Variants in BLCAP observed in about 807,000 individuals in gnomAD.
BLCAP encodes the protein apoptosis inducing factor BLCAP.
BLCAP carries 1 observed loss-of-function variant against 5.7 expected under a neutral mutation model. That is an observed-to-expected ratio of 0.18 (90% CI 0.06 to 0.83). BLCAP has a LOEUF of 0.83. Among genes scored for constraint, BLCAP ranks in the 40% least tolerant of loss-of-function variants. The pLI, the probability that BLCAP is intolerant of heterozygous loss-of-function variation, is 0.71. For synonymous variants in BLCAP, 48 were observed against 49.4 expected (o/e 0.97, Z 0.11); for missense variants, 66 against 107.6 (o/e 0.61, Z 1.71).
Position 37,521,247 on chromosome 20 carries a change from G to T in BLCAP, c.-176-1897C>A. 1 of 1,418,022 alleles carries T rather than the reference G, an allele frequency of 7.1e-7. No homozygotes were observed. The highest frequency in any genetic ancestry group is 1.0e-6 in the Non-Finnish European group (1 of 1,004,050). 87.8% of individuals were successfully genotyped at this position (1,418,022 alleles called of 1,614,324 possible). A position where few individuals can be genotyped will look rare whatever the true frequency, so the allele number is the denominator to read the frequency against. Reference sequence around the variant, plus strand: ...CTTAAGGCGCGGCCACCGCGGCTGCGGCAGTGCGCCCAACAGCGGACTCCG... The same window carrying T: ...CTTAAGGCGCGGCCACCGCGGCTGCTGCAGTGCGCCCAACAGCGGACTCCG... On this transcript the variant is annotated intron_variant, in intron 1 of 1. Coordinates refer to ENST00000373537, the MANE Select transcript of BLCAP (RefSeq NM_006698.4). The surrounding 1 kb of genome is among the most constrained non-coding windows in gnomAD (Gnocchi z 4.5).
chr20:37,521,274 G>C lies in BLCAP; in HGVS notation c.-176-1924C>G. The C allele has an allele frequency of 6.3e-7, 1 of 1,578,310 alleles. No individual in the cohort carries two copies. The highest frequency in any genetic ancestry group is 8.7e-7 in the Non-Finnish European group (1 of 1,147,874). On this transcript the variant is annotated intron_variant, in intron 1 of 1. Coordinates refer to ENST00000373537, the MANE Select transcript of BLCAP (RefSeq NM_006698.4). The surrounding 1 kb of genome is among the most constrained non-coding windows in gnomAD (Gnocchi z 4.5). ...CAGTGCGCCCAACAGCGGACTCCGA[G>C]ACCAGCGGATCTCGGCAAACCCTCT...
At chr20:37,522,559 C>A in intron 1 of BLCAP, 3 of 977,180 alleles carry the variant, frequency 3.1e-6, no homozygotes, top group Non-Finnish European at 1.4e-6. Flanking sequence ...CCAGCCTACG[C>A]TGGATGGGCG....
chr20:37,518,783 C>G lies in BLCAP; in HGVS notation c.*128G>C. On this transcript the variant is annotated 3_prime_UTR_variant, in exon 2 of 2. Coordinates refer to ENST00000373537, the MANE Select transcript of BLCAP (RefSeq NM_006698.4). ...CATTGTAAGGATAAAACATCACAGG[C>G]CAAAAAGGCGCCGTCAGGAATGTGA... 7.4e-7 allele frequency: 1 copy of G among 1,344,446 alleles called. No individual in the cohort carries two copies. 83.3% of individuals were successfully genotyped at this position (1,344,446 alleles called of 1,614,324 possible).
chr20:37,519,363 G>C lies in BLCAP; in HGVS notation c.-176-13C>G, dbSNP rs2071476805. On this transcript the variant is annotated splice_polypyrimidine_tract_variant and intron_variant, in intron 1 of 1. Coordinates refer to ENST00000373537, the MANE Select transcript of BLCAP (RefSeq NM_006698.4). ...GGCAGCAGGGATCCTGAAGAGAAAAGTCAACACAACAGACAAACAGACAAA... is the reference window on the plus strand; with the variant it reads ...GGCAGCAGGGATCCTGAAGAGAAAACTCAACACAACAGACAAACAGACAAA... The C allele has an allele frequency of 1.8e-5, 3 of 162,864 alleles. No individual in the cohort carries two copies. The South Asian group carries it at 2.1e-4, about 11-fold the overall frequency. The allele number at this position is 162,864 out of a possible 1,614,324, so 10.1% of individuals were successfully genotyped here.
chr20:37,526,096 A>T (rs1002875315), intron 1 of BLCAP, among the ~76,000 whole-genome samples: 3 of 152,100 alleles, frequency 2.0e-5, no homozygotes, highest in Non-Finnish European at 4.4e-5. Flanking sequence ...TCACTGAAGG[A>T]AGGGATGTCT....
At chr20:37,525,684 G>C (rs1354279495) in intron 1 of BLCAP, among the ~76,000 whole-genome samples, 1 of 152,364 alleles carries the variant, frequency 6.6e-6, no homozygotes, top group East Asian at 1.9e-4. Flanking sequence ...GCAATGCCTA[G>C]ATGGTCCAAA....
chr20:37,522,998 G>C (rs780139701), intron 1 of BLCAP: 6 of 471,220 alleles, frequency 1.3e-5, no homozygotes, highest in Non-Finnish European at 1.9e-5. Context: ...AGGGTCGAGA[G>C]AGGAGGGGGG....
chr20:37,526,271 T>TCCCCCCCCACCCCCCCCCCC (rs2071716922), intron 1 of BLCAP, among the ~76,000 whole-genome samples: 1 of 125,184 alleles, frequency 8.0e-6, no homozygotes, highest in Non-Finnish European at 1.7e-5. Context: ...GCAGTTAACT[T>TCCCCCCCCACCCCCCCCCCC]CCCCCCCCCA....
chr20:37,523,529 C>G (rs980299706), intron 1 of BLCAP: 1 of 152,656 alleles, frequency 6.6e-6, no homozygotes, highest in Admixed American at 6.5e-5. Flanking sequence ...TTGTGGTAAT[C>G]GCTAATTGTA....
chr20:37,527,311 G>A (rs2071740277), intron 1 of BLCAP, among the ~76,000 whole-genome samples: 1 of 152,050 alleles, frequency 6.6e-6, no homozygotes. Flanking sequence ...AGACACCGAA[G>A]CGGAGCCTCA....
rs2071423050 is a variant in BLCAP at position 37,517,473 on chromosome 20, A to G, written c.*1438T>C. On this transcript the variant is annotated 3_prime_UTR_variant, in exon 2 of 2. Transcript: ENST00000373537. ...AACAGCTGTGCAACGAACACACCAAATAAAAGCTCTAGAATAGCAGTCCAG... is the reference window on the plus strand; with the variant it reads ...AACAGCTGTGCAACGAACACACCAAGTAAAAGCTCTAGAATAGCAGTCCAG... 6.6e-6 allele frequency: 1 copy of G among 152,572 alleles called. No homozygotes were observed. The highest frequency in any genetic ancestry group is 1.5e-5 in the Non-Finnish European group (1 of 68,036). The allele number at this position is 152,572 out of a possible 1,614,324, so 9.5% of individuals were successfully genotyped here.
chr20:37,525,635 G>C (rs2071705983), intron 1 of BLCAP, among the ~76,000 whole-genome samples: 1 of 152,216 alleles, frequency 6.6e-6, no homozygotes, highest in Admixed American at 6.5e-5. Flanking sequence ...ACCCACCAGA[G>C]AAGACAGTGC....
At chr20:37,524,823 C>T (rs1316866311) in intron 1 of BLCAP, among the ~76,000 whole-genome samples, 2 of 152,140 alleles carry the variant, frequency 1.3e-5, no homozygotes, top group South Asian at 2.1e-4. Flanking sequence ...GTGCAGATCC[C>T]GGTTCTGGTC....
intron 1 of BLCAP, chr20:37,527,436 A>G: frequency 6.8e-6 from 1 of 147,150 alleles, no homozygotes; most frequent in Non-Finnish European, 1.5e-5. Flanking sequence ...CAAGCTGGGC[A>G]CCCTGCCGTG....
rs770238946 is a variant in BLCAP at position 37,519,098 on chromosome 20, G to A, written c.77C>T (p.Ser26Phe). The A allele has an allele frequency of 1.2e-6, 2 of 1,613,662 alleles. No individual in the cohort carries two copies. Among genetic ancestry groups the A allele is most frequent in the Non-Finnish European group, 1.7e-6 (2 of 1,179,906 alleles). Residue 26 changes from serine to phenylalanine, a missense_variant, in exon 2 of 2, where the codon TCC becomes TTC. Ser to Phe is a radical substitution (Grantham distance 155). Coordinates refer to ENST00000373537, the MANE Select transcript of BLCAP (RefSeq NM_006698.4). ...PLNPALWFSHSMFMGFYLLSF... is the reference protein window; with the variant it reads ...PLNPALWFSHFMFMGFYLLSF... ...GAGCAGGTAGAAGCCCATGAACATG[G>A]AGTGGCTGAACCACAGGGCGGGGTT...
Position 37,521,500 on chromosome 20 carries a change from T to G in BLCAP, c.-176-2150A>C. ...CGATTGCCGCTTCCCGGACCCGTCC[T>G]ATTCCGATTGCCGCGATCCTTGCCT... On this transcript the variant is annotated intron_variant, in intron 1 of 1. Coordinates refer to ENST00000373537, the MANE Select transcript of BLCAP (RefSeq NM_006698.4). The surrounding 1 kb of genome is among the most constrained non-coding windows in gnomAD (Gnocchi z 4.5). The G allele has an allele frequency of 8.0e-7, 1 of 1,244,238 alleles. No individual in the cohort carries two copies. Among genetic ancestry groups the G allele is most frequent in the Non-Finnish European group, 1.2e-6 (1 of 850,360 alleles). The allele number at this position is 1,244,238 out of a possible 1,614,324, so 77.1% of individuals were successfully genotyped here. A position where few individuals can be genotyped will look rare whatever the true frequency, so the allele number is the denominator to read the frequency against.
At chr20:37,522,664 C>T in intron 1 of BLCAP, 4 of 1,609,840 alleles carry the variant, frequency 2.5e-6, no homozygotes, top group Non-Finnish European at 3.4e-6. Flanking sequence ...TTTCTCGTCG[C>T]AGGTGTTCAG....
rs1342895217 is a variant in BLCAP at position 37,521,437 on chromosome 20, TC to T, written c.-176-2088del. The T allele has an allele frequency of 1.2e-6, 2 of 1,603,468 alleles. No individual in the cohort carries two copies. Among genetic ancestry groups the T allele is most frequent in the Non-Finnish European group, 1.7e-6 (2 of 1,170,284 alleles). The stretch of plus-strand genomic sequence containing the variant: ...GACGGGGTTTCGGGTGGGAGAGGGT[TC>T]CCAACTCGCGCCCCTAGAACCCGCA... On this transcript the variant is annotated intron_variant, in intron 1 of 1. Coordinates refer to ENST00000373537, the MANE Select transcript of BLCAP (RefSeq NM_006698.4). This position sits in a 1 kb window ranked among gnomAD's most constrained non-coding sequence, Gnocchi z 4.5.
chr20:37,520,339 T>C (rs1156367629), intron 1 of BLCAP: 2 of 152,188 alleles, frequency 1.3e-5, no homozygotes, highest in Non-Finnish European at 2.9e-5. Flanking sequence ...GGGGCTGCGG[T>C]AGCCACAACC....
Sources: gnomAD v4.1 joint callset for allele counts (sites outside exome capture counted in the v4.1 genomes callset) on GRCh38, gnomAD v4.1.1 for gene constraint, Gnocchi (gnomAD v3.1) non-coding constraint, MANE v1.5 for transcripts, NCBI Gene and HGNC (gene_info 2026-07-23, HGNC 2026-07-21) for gene names.